Variants in RHOU observed in about 807,000 individuals in gnomAD.
RHOU encodes the protein rho-related GTP-binding protein RhoU.
A neutral mutation model predicts 12.6 loss-of-function variants in RHOU; 8 were observed. The observed-to-expected ratio is 0.64, with a 90% CI of 0.37 to 1.15. RHOU has a LOEUF of 1.15. Ranked by LOEUF, RHOU falls within the 50% of genes most tolerant of loss-of-function variation. The pLI, the probability that RHOU is intolerant of heterozygous loss-of-function variation, is 0.01. For synonymous variants in RHOU, 161 were observed against 147.4 expected (o/e 1.09, Z -0.67); for missense variants, 258 against 347.0 (o/e 0.74, Z 2.04).
chr1:228,658,773 T>C, the RHOU span, among the ~76,000 whole-genome samples: 2 of 152,254 alleles, frequency 1.3e-5, no homozygotes, highest in South Asian at 4.1e-4. Flanking sequence ...AGTCCTGCAG[T>C]TGGCCCTGTA....
the RHOU span, among the ~76,000 whole-genome samples, chr1:228,707,206 CATATATATAT>C: frequency 2.3e-5 from 1 of 42,982 alleles, no homozygotes; most frequent in African/African-American, 1.5e-4. Flanking sequence ...CATATATATA[CATATATATAT>C]ACATATATAT....
At chr1:228,734,077 T>C (rs369723993), upstream of RHOU, among the ~76,000 whole-genome samples, 7 of 152,308 alleles carry the variant, frequency 4.6e-5, no homozygotes, top group South Asian at 1.5e-3. Context: ...TCTCCCCAAC[T>C]TCACTTTCTT....
the RHOU span, among the ~76,000 whole-genome samples, chr1:228,698,025 G>A: frequency 6.6e-6 from 1 of 152,178 alleles, no homozygotes; most frequent in South Asian, 2.1e-4. Context: ...TTCTGTGGGT[G>A]GTTTGTTTTC....
At chr1:228,655,278 A>G in the RHOU span, among the ~76,000 whole-genome samples, 1 of 151,846 alleles carries the variant, frequency 6.6e-6, no homozygotes, top group Non-Finnish European at 1.5e-5. Context: ...TAATTTTTGT[A>G]TTTTTAGTAG....
chr1:228,654,088 G>A, the RHOU span, among the ~76,000 whole-genome samples: 1 of 150,816 alleles, frequency 6.6e-6, no homozygotes, highest in Non-Finnish European at 1.5e-5. Context: ...CTGTGTTCCT[G>A]AAGCCCTGTA....
chr1:228,729,919 C>T, the RHOU span, among the ~76,000 whole-genome samples: 1 of 152,208 alleles, frequency 6.6e-6, no homozygotes, highest in African/African-American at 2.4e-5. Flanking sequence ...GCACATCCAA[C>T]CAACCATGTG....
At chr1:228,680,462 G>GT in the RHOU span, among the ~76,000 whole-genome samples, 1 of 152,170 alleles carries the variant, frequency 6.6e-6, no homozygotes, top group African/African-American at 2.4e-5. Context: ...ATGTTCTGAA[G>GT]TTTTTTTGTA....
chr1:228,702,115 A>G, the RHOU span, among the ~76,000 whole-genome samples: 1 of 152,208 alleles, frequency 6.6e-6, no homozygotes, highest in Non-Finnish European at 1.5e-5. Flanking sequence ...TTTATGTTTA[A>G]TAATTAATGT....
At chr1:228,701,043 T>C in the RHOU span, among the ~76,000 whole-genome samples, 3 of 152,120 alleles carry the variant, frequency 2.0e-5, no homozygotes, top group Non-Finnish European at 4.4e-5. Context: ...GAGCTGTGAC[T>C]GTGCCACTGC....
At chr1:228,706,157 G>T in the RHOU span, among the ~76,000 whole-genome samples, 1 of 152,226 alleles carries the variant, frequency 6.6e-6, no homozygotes, top group African/African-American at 2.4e-5. Flanking sequence ...GCTGCTGTGA[G>T]AGAGCAATGG....
At chr1:228,734,556 T>C (rs1558084605), upstream of RHOU, among the ~76,000 whole-genome samples, 1 of 152,198 alleles carries the variant, frequency 6.6e-6, no homozygotes, top group South Asian at 2.1e-4. Flanking sequence ...TGAAGAGTGC[T>C]TACAACAGTA....
At chr1:228,723,627 C>G in the RHOU span, among the ~76,000 whole-genome samples, 1 of 152,350 alleles carries the variant, frequency 6.6e-6, no homozygotes, top group African/African-American at 2.4e-5. Flanking sequence ...CCGTCAGGCT[C>G]TAAGAGCTAA....
At chr1:228,735,245 C>G (rs1255301848), upstream of RHOU, 1 of 152,284 alleles carries the variant, frequency 6.6e-6, no homozygotes. This position sits in a 1 kb window ranked among gnomAD's most constrained non-coding sequence, Gnocchi z 8.1. Flanking sequence ...ACCGGGTGCG[C>G]GGGGTCCCCC....
chr1:228,714,454 T>G, the RHOU span, among the ~76,000 whole-genome samples: 1 of 152,192 alleles, frequency 6.6e-6, no homozygotes, highest in Non-Finnish European at 1.5e-5. Flanking sequence ...CTCGTGCATT[T>G]TGGAGGATAG....
the RHOU span, among the ~76,000 whole-genome samples, chr1:228,689,485 G>C: frequency 2.0e-5 from 3 of 152,092 alleles, no homozygotes; most frequent in African/African-American, 7.3e-5. Flanking sequence ...GCTCTATTTT[G>C]TTGTCATTTC....
At chr1:228,677,504 C>CTT in the RHOU span, among the ~76,000 whole-genome samples, 31 of 151,786 alleles carry the variant, frequency 2.0e-4, no homozygotes, top group Admixed American at 4.6e-4. Context: ...CAGTCCCCCC[C>CTT]TTTTTTTTAG....
intron 2 of RHOU, among the ~76,000 whole-genome samples, chr1:228,742,777 G>A (rs1483779800): frequency 2.0e-5 from 3 of 152,204 alleles, no homozygotes; most frequent in Non-Finnish European, 2.9e-5. Flanking sequence ...GATGAAATTG[G>A]CATCACTCAG....
intron 2 of RHOU, among the ~76,000 whole-genome samples, chr1:228,741,677 A>T (rs977136815): frequency 2.0e-5 from 3 of 152,244 alleles, no homozygotes; most frequent in South Asian, 2.1e-4. Flanking sequence ...TTTTCTTTTT[A>T]AAAATTTTTT....
At chr1:228,686,890 C>G in the RHOU span, among the ~76,000 whole-genome samples, 1 of 152,026 alleles carries the variant, frequency 6.6e-6, no homozygotes, top group Non-Finnish European at 1.5e-5. Flanking sequence ...CAGGTGTGTA[C>G]CACCACATCT....
Sources: allele counts gnomAD v4.1 joint callset (sites outside exome capture counted in the v4.1 genomes callset), GRCh38; gene constraint gnomAD v4.1.1; non-coding constraint Gnocchi (gnomAD v3.1); transcripts MANE v1.5; gene names NCBI Gene and HGNC (gene_info 2026-07-23, HGNC 2026-07-21).